Variants in ACSM6 observed in about 807,000 individuals in gnomAD.
ACSM6 encodes the protein acyl-coenzyme A synthetase ACSM6, mitochondrial.
ACSM6 carries 35 observed loss-of-function variants against 51.1 expected under a neutral mutation model. The observed-to-expected ratio is 0.69, with a 90% CI of 0.52 to 0.91. The LOEUF is 0.91. Among genes scored for constraint, ACSM6 ranks in the 40% least tolerant of loss-of-function variants. The pLI is 0.00. For synonymous variants in ACSM6, 172 were observed against 207.3 expected (o/e 0.83, Z 1.46); for missense variants, 509 against 584.1 (o/e 0.87, Z 1.32).
intron 5 of ACSM6, 112 bp from the exon 6 acceptor site, chr10:95,211,766 T>C: frequency 1.7e-6 from 2 of 1,174,346 alleles, no homozygotes; most frequent in Non-Finnish European, 2.4e-6. Flanking sequence ...CCTGTTTTCA[T>C]TTGTGTGATC....
At chr10:95,214,727 C>T in intron 7 of ACSM6, 125 bp from the exon 8 acceptor site, 1 of 1,099,876 alleles carries the variant, frequency 9.1e-7, no homozygotes, top group Non-Finnish European at 1.3e-6. Context: ...AGAACATCAA[C>T]CACCACTTAA....
intron 5 of ACSM6, 67 bp from the exon 6 acceptor site, chr10:95,211,811 G>C (rs12255262): frequency 3.5e-6 from 5 of 1,445,076 alleles, no homozygotes; most frequent in Non-Finnish European, 3.7e-6. Flanking sequence ...CTTGATAATA[G>C]CAAGTATTAT....
chr10:95,202,318 G>C (rs1447721334), intron 3 of ACSM6, 123 bp downstream of exon 3: 17 of 908,832 alleles, frequency 1.9e-5, no homozygotes, highest in Non-Finnish European at 2.8e-5. Context: ...CACAGTGTGG[G>C]GGATCTTTAA....
At chr10:95,214,663 T>C (rs1249791574) in intron 7 of ACSM6, among the ~76,000 whole-genome samples, 189 bp from the exon 8 acceptor site, 1 of 152,224 alleles carries the variant, frequency 6.6e-6, no homozygotes, top group Non-Finnish European at 1.5e-5. Flanking sequence ...AGAGTCTTCA[T>C]GGAGATTGAT....
chr10:95,210,526 C>T (rs2034883306), intron 4 of ACSM6, 124 bp from the exon 5 acceptor site: 1 of 1,063,736 alleles, frequency 9.4e-7, no homozygotes, highest in East Asian at 2.8e-5. Flanking sequence ...AACAAATAAT[C>T]CTCAAATATA....
chr10:95,219,783 G>A, intron 8 of ACSM6, 108 bp from the exon 9 acceptor site: 1 of 799,754 alleles, frequency 1.3e-6, no homozygotes, highest in African/African-American at 1.7e-5. Flanking sequence ...GTTAGACTGT[G>A]TAATGTTGTT....
chr10:95,224,012 C>T (rs867848793), intron 9 of ACSM6, among the ~76,000 whole-genome samples: 3 of 151,996 alleles, frequency 2.0e-5, no homozygotes, highest in African/African-American at 7.2e-5. Context: ...TATCAATAAA[C>T]AATCAAAAAA....
chr10:95,212,624 C>A (rs927968688), intron 6 of ACSM6, among the ~76,000 whole-genome samples: 1 of 152,142 alleles, frequency 6.6e-6, no homozygotes, highest in Non-Finnish European at 1.5e-5. Context: ...TGTATGCATT[C>A]GGTTATCAGT....
At chr10:95,205,039 ACATGC>A (rs928128718) in intron 3 of ACSM6, among the ~76,000 whole-genome samples, 4 of 152,188 alleles carry the variant, frequency 2.6e-5, no homozygotes, top group Non-Finnish European at 5.9e-5. Flanking sequence ...CTCTAACAAC[ACATGC>A]ATCTCTCCTA....
chr10:95,201,438 T>C (rs189346196), intron 2 of ACSM6: 1 of 454,364 alleles, frequency 2.2e-6, no homozygotes, highest in Admixed American at 2.4e-5. Context: ...TTATTTCCCA[T>C]AGGATAATGG....
At chr10:95,195,638 G>A (rs2034717415) in intron 2 of ACSM6, among the ~76,000 whole-genome samples, 1 of 152,146 alleles carries the variant, frequency 6.6e-6, no homozygotes, top group African/African-American at 2.4e-5. Flanking sequence ...TGGAGAGTGA[G>A]CAGCGAGAGT....
At chr10:95,199,779 A>C (rs1182135470) in intron 2 of ACSM6, among the ~76,000 whole-genome samples, 3 of 152,242 alleles carry the variant, frequency 2.0e-5, no homozygotes, top group Admixed American at 1.3e-4. Context: ...CATCAGAGAA[A>C]TGCAAATCAA....
intron 2 of ACSM6, among the ~76,000 whole-genome samples, chr10:95,196,359 GC>G (rs1055238423): frequency 6.6e-6 from 1 of 152,212 alleles, no homozygotes; most frequent in African/African-American, 2.4e-5. Flanking sequence ...CACACAGTCA[GC>G]CCAACTAAAC....
chr10:95,207,101 AAGAG>A, intron 3 of ACSM6, 103 bp from the exon 4 acceptor site: 1 of 1,042,728 alleles, frequency 9.6e-7, no homozygotes, highest in South Asian at 1.4e-5. Flanking sequence ...AGAGACTCCT[AAGAG>A]AGAGGGTAAC....
chr10:95,195,218 A>G (rs1362336195), intron 2 of ACSM6, among the ~76,000 whole-genome samples: 4 of 152,202 alleles, frequency 2.6e-5, no homozygotes, highest in African/African-American at 9.6e-5. Context: ...AGTGCTGAAA[A>G]AGAAGTGCCA....
intron 10 of ACSM6, chr10:95,225,864 G>GT (rs2035031722): frequency 1.3e-5 from 2 of 152,298 alleles, no homozygotes; most frequent in African/African-American, 4.8e-5. Flanking sequence ...CTCTTTAGTT[G>GT]TTTTTATCTA....
chr10:95,217,766 C>G lies in ACSM6; in HGVS notation c.1120-2125C>G, dbSNP rs1434519151. Reference sequence around the variant, plus strand: ...GGGAGAGGTCTATAGTTTGAGGACCCTGGTGGAGCTATGTAGTTCCATATG... The same window carrying G: ...GGGAGAGGTCTATAGTTTGAGGACCGTGGTGGAGCTATGTAGTTCCATATG... On this transcript the variant is annotated intron_variant, in intron 8 of 10. Coordinates refer to ENST00000341686, the Ensembl canonical transcript of ACSM6. Among the ~76,000 whole-genome samples the G allele has an allele frequency of 2.0e-5, 3 of 152,192 alleles. No homozygotes were observed. In the East Asian group the frequency reaches 5.8e-4, roughly 29 times the overall value.
intron 10 of ACSM6, among the ~76,000 whole-genome samples, chr10:95,227,553 A>G (rs181788807): frequency 2.0e-5 from 3 of 152,348 alleles, no homozygotes; most frequent in African/African-American, 7.2e-5. Flanking sequence ...CACAACTTCA[A>G]TACACTGAGA....
intron 9 of ACSM6, among the ~76,000 whole-genome samples, chr10:95,220,311 A>G (rs627173): frequency 0.53 from 80,055 of 152,040 alleles, 22,011 homozygotes; most frequent in Middle Eastern, 0.66. Context: ...CATAATAAGC[A>G]TTCTGTACTT....
Sources: allele counts gnomAD v4.1 joint callset (sites outside exome capture counted in the v4.1 genomes callset), GRCh38; gene constraint gnomAD v4.1.1; transcripts MANE v1.5; gene names NCBI Gene and HGNC (gene_info 2026-07-23, HGNC 2026-07-21).